Variants in TMEM132C observed in about 807,000 individuals in gnomAD.
TMEM132C encodes protein phosphatase 1, regulatory subunit 152.
TMEM132C carries 29 observed loss-of-function variants against 61.4 expected under a neutral mutation model. That is an observed-to-expected ratio of 0.47 (90% confidence interval 0.35 to 0.64). TMEM132C has a LOEUF of 0.64. TMEM132C is among the 30% of genes least tolerant of loss of function. TMEM132C has a pLI of 0.00. For synonymous variants in TMEM132C, 656 were observed against 633.1 expected (o/e 1.04, Z -0.54); for missense variants, 1,408 against 1,476.9 (o/e 0.95, Z 0.76).
intron 2 of TMEM132C, among the ~76,000 whole-genome samples, chr12:128,500,971 T>C (rs1593076059): frequency 6.6e-6 from 1 of 152,198 alleles, no homozygotes; most frequent in East Asian, 1.9e-4. Flanking sequence ...AAGCCAAATT[T>C]GGAATAGCCA....
At position 128,695,987 on chromosome 12, in the gene TMEM132C, C is replaced by A; in HGVS notation, c.1813C>A (p.Gln605Lys). ...GAACTACCTGCTTAGTCCTAACTGG[C>A]AGTTCGACATCACTCACCTGGTGGC... Reference protein sequence around the residue: ...QPNYLLSPNWQFDITHLVADF... With the variant: ...QPNYLLSPNWKFDITHLVADF... The change falls in exon 7 of 9, where the codon CAG becomes AAG. Residue 605 changes from glutamine to lysine, a missense_variant. Physicochemically the swap from Gln to Lys is moderately conservative, Grantham distance 53. Coordinates refer to ENST00000435159, the MANE Select transcript of TMEM132C (RefSeq NM_001136103.3). 6.4e-7 allele frequency: 1 copy of A among 1,551,792 alleles called. No homozygotes were observed. The highest frequency in any genetic ancestry group is 8.7e-7 in the Non-Finnish European group (1 of 1,147,020).
intron 3 of TMEM132C, among the ~76,000 whole-genome samples, chr12:128,599,492 T>C (rs1876091915): frequency 6.6e-6 from 1 of 152,366 alleles, no homozygotes. Flanking sequence ...GTTGCCTTGC[T>C]GCTGCTACTT....
intron 1 of TMEM132C, among the ~76,000 whole-genome samples, chr12:128,312,434 T>TAC (rs1371186954): frequency 6.6e-6 from 1 of 152,080 alleles, no homozygotes; most frequent in Admixed American, 6.5e-5. Context: ...GCCTCCTGTG[T>TAC]AGCTGGGTCT....
chr12:128,340,835 C>T (rs1184456123), intron 1 of TMEM132C, among the ~76,000 whole-genome samples: 2 of 133,178 alleles, frequency 1.5e-5, no homozygotes, highest in Non-Finnish European at 3.1e-5. Flanking sequence ...GTCTTTCTCT[C>T]TCTCTCTTTC....
At chr12:128,507,282 G>C (rs983190013) in intron 2 of TMEM132C, among the ~76,000 whole-genome samples, 1 of 152,000 alleles carries the variant, frequency 6.6e-6, no homozygotes, top group African/African-American at 2.4e-5. Context: ...GGAAATGCTG[G>C]ACCGTGCAGA....
chr12:128,435,801 A>G (rs1427267780), intron 2 of TMEM132C, among the ~76,000 whole-genome samples: 1 of 152,132 alleles, frequency 6.6e-6, no homozygotes, highest in African/African-American at 2.4e-5. Context: ...AAACTACTTT[A>G]AAGTTTATAT....
At chr12:128,579,025 A>G (rs1250617047) in intron 3 of TMEM132C, among the ~76,000 whole-genome samples, 1 of 152,226 alleles carries the variant, frequency 6.6e-6, no homozygotes, top group Non-Finnish European at 1.5e-5. Flanking sequence ...CCTGCCTTGC[A>G]ACAATTGAAC....
At chr12:128,621,969 CTGAG>C (rs1166182804) in intron 4 of TMEM132C, among the ~76,000 whole-genome samples, 3 of 152,164 alleles carry the variant, frequency 2.0e-5, no homozygotes, top group African/African-American at 7.2e-5. Context: ...AGCCACGACT[CTGAG>C]TGATACCTGA....
chr12:128,293,416 C>A (rs901983198), intron 1 of TMEM132C, among the ~76,000 whole-genome samples: 1 of 152,158 alleles, frequency 6.6e-6, no homozygotes, highest in African/African-American at 2.4e-5. Flanking sequence ...CTTAGTTGTA[C>A]ACACCACCCA....
intron 3 of TMEM132C, among the ~76,000 whole-genome samples, chr12:128,557,982 C>T (rs546389704): frequency 4.6e-5 from 7 of 152,324 alleles, no homozygotes; most frequent in Non-Finnish European, 8.8e-5. Context: ...GGCTCTTCTG[C>T]GTGGAAGTCG....
In TMEM132C at chr12:128,415,651, T is replaced by C. The variant is rs1342171485; in HGVS notation, c.974+31T>C. On this transcript the variant is annotated intron_variant, in intron 2 of 8. Coordinates refer to ENST00000435159, the MANE Select transcript of TMEM132C (RefSeq NM_001136103.3). The surrounding 1 kb of genome is among the most constrained non-coding windows in gnomAD (Gnocchi z 5.8). ...TGCCCATGCTTGCCCCTGATCATCT[T>C]TGGCATGCCTGGTGTGAGACTGGGT... 6.7e-7 allele frequency: 1 copy of C among 1,483,972 alleles called. No individual in the cohort carries two copies. Among genetic ancestry groups the C allele is most frequent in the Non-Finnish European group, 9.0e-7 (1 of 1,111,114 alleles). The allele number at this position is 1,483,972 out of a possible 1,614,324, so 91.9% of individuals were successfully genotyped here.
At chr12:128,492,465 C>T (rs143498554) in intron 2 of TMEM132C, among the ~76,000 whole-genome samples, 103 of 152,312 alleles carry the variant, frequency 6.8e-4, no homozygotes, top group Middle Eastern at 3.4e-3. Context: ...ACACTCCCAC[C>T]AACCGTGTAA....
intron 2 of TMEM132C, among the ~76,000 whole-genome samples, chr12:128,519,128 T>C (rs1484068256): frequency 1.3e-5 from 2 of 152,188 alleles, no homozygotes; most frequent in Non-Finnish European, 2.9e-5. Context: ...CACATCACTT[T>C]GCATTACTTA....
At chr12:128,582,712 C>T (rs528727783) in intron 3 of TMEM132C, among the ~76,000 whole-genome samples, 78 of 152,256 alleles carry the variant, frequency 5.1e-4, no homozygotes, top group Admixed American at 9.8e-4. Context: ...ATCATGATTC[C>T]GAGGCCTCCC....
At chr12:128,617,765 A>T (rs1876860883) in intron 4 of TMEM132C, among the ~76,000 whole-genome samples, 1 of 152,188 alleles carries the variant, frequency 6.6e-6, no homozygotes. Flanking sequence ...TCATGGAAAA[A>T]TTTGGCTTTC....
At position 128,677,602 on chromosome 12, in the gene TMEM132C, C is replaced by T. The variant is rs1209794579; in HGVS notation, c.1449+8042C>T. 2.6e-5 allele frequency among the ~76,000 whole-genome samples: 4 copies of T among 152,220 alleles called. No homozygotes were observed. In the East Asian group the frequency reaches 7.7e-4, roughly 29 times the overall value. On this transcript the variant is annotated intron_variant, in intron 5 of 8. Transcript: ENST00000435159. ...TTGGACAGCACCCTATGTACATCCC[C>T]TCACCCTAATGACACTGACACACAA...
intron 1 of TMEM132C, among the ~76,000 whole-genome samples, chr12:128,336,668 G>C (rs1872798860): frequency 6.6e-6 from 1 of 152,160 alleles, no homozygotes; most frequent in African/African-American, 2.4e-5. Context: ...TTAGCCATCT[G>C]TCTGTCCCTA....
intron 3 of TMEM132C, among the ~76,000 whole-genome samples, chr12:128,558,805 G>A (rs747864053): frequency 6.6e-6 from 1 of 152,226 alleles, no homozygotes; most frequent in African/African-American, 2.4e-5. Flanking sequence ...CCTGGTGATT[G>A]ACTATTCTTT....
rs191512636 is a variant in TMEM132C at position 128,343,839 on chromosome 12, A to G, written c.86-70893A>G. Among the ~76,000 whole-genome samples the G allele has an allele frequency of 1.2e-4, 18 of 152,322 alleles. No homozygotes were observed. The East Asian group carries it at 3.5e-3, about 29-fold the overall frequency. Reference sequence around the variant, plus strand: ...TGCCTATTTGGGACATTTCATATAAATGAAACCATACAATATACATACAAT... The same window carrying G: ...TGCCTATTTGGGACATTTCATATAAGTGAAACCATACAATATACATACAAT... On this transcript the variant is annotated intron_variant, in intron 1 of 8. Transcript: ENST00000435159.
Sources: allele counts gnomAD v4.1 joint callset (sites outside exome capture counted in the v4.1 genomes callset), GRCh38; gene constraint gnomAD v4.1.1; non-coding constraint Gnocchi (gnomAD v3.1); transcripts MANE v1.5; gene names NCBI Gene and HGNC (gene_info 2026-07-23, HGNC 2026-07-21).